Variants in ARID1B observed in about 807,000 individuals in gnomAD.
ARID1B encodes the protein AT-rich interactive domain-containing protein 1B.
In ARID1B, 30 loss-of-function variants were observed where a neutral mutation model predicts 212.3. The ratio of observed to expected loss-of-function variants is 0.14; its 90% CI spans 0.11 to 0.19. ARID1B has a LOEUF of 0.19. Among genes scored for constraint, ARID1B ranks in the 10% least tolerant of loss-of-function variants. The pLI, the probability that ARID1B is intolerant of heterozygous loss-of-function variation, is 1.00. For synonymous variants in ARID1B, 1,402 were observed against 1,301.7 expected (o/e 1.08, Z -1.66); for missense variants, 2,891 against 3,204.0 (o/e 0.90, Z 2.36).
At chr6:157,073,963 T>G (rs1784146236) in intron 4 of ARID1B, among the ~76,000 whole-genome samples, 1 of 152,194 alleles carries the variant, frequency 6.6e-6, no homozygotes, top group East Asian at 1.9e-4. Flanking sequence ...GGTTTGACTG[T>G]GGCTCAGGCC....
At chr6:156,909,123 C>CTTTTTTTTTTTTTTTTTTTTTTTTATT (rs60183999) in intron 3 of ARID1B, among the ~76,000 whole-genome samples, 1 of 108,822 alleles carries the variant, frequency 9.2e-6, no homozygotes, top group Non-Finnish European at 1.8e-5. Context: ...TTTTCTTTCT[C>CTTTTTTTTTTTTTTTTTTTTTTTTATT]TTTTTTTTTT....
chr6:157,134,818 C>T (rs1305380445), intron 7 of ARID1B, among the ~76,000 whole-genome samples: 1 of 152,206 alleles, frequency 6.6e-6, no homozygotes, highest in Admixed American at 6.5e-5. Flanking sequence ...CGGGCTTTTG[C>T]TCCTAATGTA....
At chr6:157,184,553 G>T in intron 13 of ARID1B, 118 bp downstream of exon 13, 1 of 1,185,292 alleles carries the variant, frequency 8.4e-7, no homozygotes. Context: ...TGAGAGGTGG[G>T]GGGTTCCTGT....
chr6:157,061,759 C>A (rs886274775), intron 4 of ARID1B, among the ~76,000 whole-genome samples: 1 of 152,132 alleles, frequency 6.6e-6, no homozygotes, highest in Non-Finnish European at 1.5e-5. Context: ...CTGTGCCATT[C>A]CTTAAATAAT....
At chr6:157,061,705 C>T (rs1156588640) in intron 4 of ARID1B, among the ~76,000 whole-genome samples, 1 of 152,106 alleles carries the variant, frequency 6.6e-6, no homozygotes, top group Non-Finnish European at 1.5e-5. Flanking sequence ...TAACTGAGTT[C>T]CCATATTTTA....
chr6:156,778,870 G>C lies in ARID1B; in HGVS notation c.1190G>C (p.Gly397Ala), dbSNP rs756982067. Residue 397 changes from glycine to alanine, a missense_variant, in exon 1 of 20, where the codon GGC becomes GCC. Around this residue, in one of 7 missense-constraint regions of ARID1B, gnomAD observed 1,643 missense variants for 1,544.0 expected, o/e 1.06. Coordinates refer to ENST00000636930, the MANE Select transcript of ARID1B (RefSeq NM_001374828.1). ...PGAGGGGGGG[G>A]GGGGGSGGGG... ...GCGGGCGGCGGCGGCGGCGGCGGCG[G>C]CGGAGGAGGAGGAGGCAGCGGAGGA... 8 of 1,393,622 alleles carry C rather than the reference G, an allele frequency of 5.7e-6. No individual in the cohort carries two copies. Among genetic ancestry groups the C allele is most frequent in the Middle Eastern group, 2.0e-4 (1 of 5,128 alleles). 86.3% of individuals were successfully genotyped at this position (1,393,622 alleles called of 1,614,324 possible). A position where few individuals can be genotyped will look rare whatever the true frequency, so the allele number is the denominator to read the frequency against.
chr6:156,965,316 C>T (rs1366327600), intron 4 of ARID1B, among the ~76,000 whole-genome samples: 1 of 152,170 alleles, frequency 6.6e-6, no homozygotes, highest in Non-Finnish European at 1.5e-5. Context: ...TAGGCTTGCC[C>T]AGGGTTTTCC....
intron 2 of ARID1B, among the ~76,000 whole-genome samples, chr6:156,897,264 C>CTTATTATTA (rs1163995525): frequency 0.028 from 2,338 of 83,434 alleles, 52 homozygotes; most frequent in Admixed American, 0.041. Flanking sequence ...TCTTCTTCTT[C>CTTATTATTA]TTATTATTAT....
intron 2 of ARID1B, among the ~76,000 whole-genome samples, chr6:156,857,563 C>CT (rs1302827490): frequency 1.3e-5 from 2 of 152,178 alleles, no homozygotes; most frequent in Non-Finnish European, 2.9e-5. Flanking sequence ...AGGAAGGGGG[C>CT]TGAAGAGCCA....
chr6:156,825,601 A>G (rs1013262537), intron 1 of ARID1B, among the ~76,000 whole-genome samples: 2 of 152,218 alleles, frequency 1.3e-5, no homozygotes, highest in Non-Finnish European at 2.9e-5. Flanking sequence ...AGACATTCCA[A>G]TCATTTTCCC....
At chr6:156,978,638 A>G (rs1777410418) in intron 4 of ARID1B, among the ~76,000 whole-genome samples, 1 of 152,234 alleles carries the variant, frequency 6.6e-6, no homozygotes, top group Non-Finnish European at 1.5e-5. Flanking sequence ...TTGTGTCGTT[A>G]TACAGAAGTT....
At chr6:156,798,542 G>A (rs939204141) in intron 1 of ARID1B, among the ~76,000 whole-genome samples, 4 of 152,250 alleles carry the variant, frequency 2.6e-5, no homozygotes, top group African/African-American at 9.6e-5. Flanking sequence ...TGCTGCCCTC[G>A]CTCCTTGTTG....
chr6:156,975,286 C>T (rs1777154207), intron 4 of ARID1B, among the ~76,000 whole-genome samples: 1 of 152,126 alleles, frequency 6.6e-6, no homozygotes, highest in African/African-American at 2.4e-5. Context: ...CATTTATACA[C>T]CCTTTTTGGT....
At chr6:156,984,029 C>A (rs549971645) in intron 4 of ARID1B, among the ~76,000 whole-genome samples, 1 of 149,726 alleles carries the variant, frequency 6.7e-6, no homozygotes, top group Non-Finnish European at 1.5e-5. Flanking sequence ...TTAAAACAAT[C>A]ATTTTTTTTA....
At chr6:157,062,968 G>A (rs1053069959) in intron 4 of ARID1B, among the ~76,000 whole-genome samples, 31 of 151,916 alleles carry the variant, frequency 2.0e-4, no homozygotes, top group Non-Finnish European at 2.9e-5. Context: ...GCCTCCCAAA[G>A]TGCTGGGATT....
chr6:156,961,530 G>T lies in ARID1B; in HGVS notation c.2247+25954G>T, dbSNP rs779010574. Among the ~76,000 whole-genome samples, 62 of 152,132 alleles carry T rather than the reference G, an allele frequency of 4.1e-4. 1 individual carries two copies. The highest frequency in any genetic ancestry group is 1.0e-4 in the Non-Finnish European group (7 of 68,028). On this transcript the variant is annotated intron_variant, in intron 4 of 19. Transcript: ENST00000636930. ...CTGCGTTGCGCGGGCAGGACAGTCAGGTGAGCACAGGTGGCTCCGTTCACC... is the reference window on the plus strand; with the variant it reads ...CTGCGTTGCGCGGGCAGGACAGTCATGTGAGCACAGGTGGCTCCGTTCACC...
Position 157,004,897 on chromosome 6 carries a change from C to CTTTTTTTTTTTTTTTTTTTTT in ARID1B, c.2247+69335_2247+69355dup, listed in dbSNP as rs1177807875. 1.8e-4 allele frequency among the ~76,000 whole-genome samples: 10 copies of CTTTTTTTTTTTTTTTTTTTTT among 54,714 alleles called. 2 individuals carry two copies. The highest frequency in any genetic ancestry group is 2.9e-4 in the Non-Finnish European group (8 of 27,306). The allele number at this position is 54,714 out of a possible 152,430, so 35.9% of individuals were successfully genotyped here. Reference sequence around the variant, plus strand: ...TTTTTTCTTTTTCTTCTTCTTTTTTCTTTTTTTTTTTTTTTTTTTTTTTTT... The same window carrying CTTTTTTTTTTTTTTTTTTTTT: ...TTTTTTCTTTTTCTTCTTCTTTTTTCTTTTTTTTTTTTTTTTTTTTTTTTTTTTTTTTTTTTTTTTTTTTTT... On this transcript the variant is annotated intron_variant, in intron 4 of 19. Transcript: ENST00000636930.
At chr6:156,892,031 C>T (rs933053391) in intron 2 of ARID1B, among the ~76,000 whole-genome samples, 4 of 150,508 alleles carry the variant, frequency 2.7e-5, no homozygotes, top group African/African-American at 9.8e-5. Context: ...ATCACCACAC[C>T]CAGCGAATTT....
chr6:157,114,809 G>A (rs1286809452), intron 6 of ARID1B, among the ~76,000 whole-genome samples: 1 of 152,126 alleles, frequency 6.6e-6, no homozygotes, highest in African/African-American at 2.4e-5. Flanking sequence ...AGTGAGAGAT[G>A]ATGCAACCTA....
Sources: gnomAD v4.1 joint callset for allele counts (sites outside exome capture counted in the v4.1 genomes callset) on GRCh38, gnomAD v4.1.1 for gene constraint, gnomAD v4.1.1 regional missense constraint, MANE v1.5 for transcripts, NCBI Gene and HGNC (gene_info 2026-07-23, HGNC 2026-07-21) for gene names.